The following MAK variants were observed in gnomAD, a reference collection of about 807,000 sequenced individuals.
The protein encoded by MAK is male germ cell associated kinase, also known as serine/threonine-protein kinase MAK.
MAK carries 65 observed loss-of-function variants against 82.6 expected under a neutral mutation model. The observed-to-expected ratio is 0.79, with a 90% CI of 0.64 to 0.97. The LOEUF (loss-of-function observed/expected upper bound fraction) is 0.97, where lower values mean the gene tolerates loss of function less well. MAK is among the 50% of genes least tolerant of loss of function. The pLI is 0.00. For synonymous variants in MAK, 250 were observed against 274.2 expected, an observed-to-expected ratio of 0.91 and a Z score of 0.87; for missense variants, 703 against 780.2, an observed-to-expected ratio of 0.90 and a Z score of 1.18.
rs1561971273 is a variant in MAK at position 10,802,002 on chromosome 6, A to ACT, written c.719_720dup (p.Cys241SerfsTer5). The ACT allele has an allele frequency of 6.2e-7, 1 of 1,614,150 alleles. No homozygotes were observed. Among genetic ancestry groups the ACT allele is most frequent in the Admixed American group, 1.7e-5 (1 of 60,016 alleles). ...AGAGTTTTTAAGTTTATAGGAACAC[A>ACT]CTGGGGAAAACGGAAGTTCATAGAG... On this transcript the variant is annotated frameshift_variant, in exon 8 of 15. Transcript: ENST00000354489. LOFTEE classifies it high-confidence loss of function.
intron 8 of MAK, among the ~76,000 whole-genome samples, chr6:10,798,345 C>A (rs1775737908): frequency 6.6e-6 from 1 of 152,048 alleles, no homozygotes; most frequent in Non-Finnish European, 1.5e-5. Context: ...AAGCTCCTGA[C>A]CTCGTGATCC....
At chr6:10,838,436 C>T in intron 1 of MAK, 67 bp downstream of exon 1, 1 of 152,442 alleles carries the variant, frequency 6.6e-6, no homozygotes, top group East Asian at 1.9e-4. Context: ...CGGGCTCCGG[C>T]TGGGTCGGAC....
intron 5 of MAK, among the ~76,000 whole-genome samples, chr6:10,813,131 TATAAA>T (rs1199021103): frequency 0.12 from 100 of 814 alleles, 19 homozygotes; most frequent in East Asian, 0.17. Context: ...TATATATATA[TATAAA>T]TTTTTTTTTT....
rs1427025580 is a variant in MAK at position 10,784,518 on chromosome 6, G to A, written c.1371C>T (p.Ser457=). Residue 457 remains serine, a synonymous_variant, in exon 11 of 15, where the codon AGC becomes AGT. Coordinates refer to ENST00000354489, the MANE Select transcript of MAK (RefSeq NM_001242957.3). ...ATTTTAGGGAAGTAACAGCAGGTAA[G>A]CTCTTGTTTTCCCCTGTCGAGTGGT... The part of the protein sequence containing the change: ...GSNHSTGENK[S]LPAVTSLKSD... 1 of 1,614,066 alleles carries A rather than the reference G, an allele frequency of 6.2e-7. No individual in the cohort carries two copies. Among genetic ancestry groups the A allele is most frequent in the Admixed American group, 1.7e-5 (1 of 59,996 alleles).
intron 2 of MAK, among the ~76,000 whole-genome samples, chr6:10,824,898 C>A (rs1032842517): frequency 6.6e-6 from 1 of 152,138 alleles, no homozygotes; most frequent in Admixed American, 6.6e-5. Context: ...ACACCACAGC[C>A]GATGATATTG....
intron 8 of MAK, among the ~76,000 whole-genome samples, chr6:10,799,539 C>T (rs1224147117): frequency 2.6e-5 from 4 of 151,142 alleles, no homozygotes; most frequent in East Asian, 4.0e-4. Flanking sequence ...GAGAACTGCA[C>T]GAGACCAGGG....
At position 10,764,364 on chromosome 6, in the gene MAK, G is replaced by T; in HGVS notation, c.*88C>A. 2 of 1,416,454 alleles carry T rather than the reference G, an allele frequency of 1.4e-6. No individual in the cohort carries two copies. The highest frequency in any genetic ancestry group is 2.0e-6 in the Non-Finnish European group (2 of 1,019,896). The allele number at this position is 1,416,454 out of a possible 1,614,324, so 87.7% of individuals were successfully genotyped here. On this transcript the variant is annotated 3_prime_UTR_variant, in exon 15 of 15. Transcript: ENST00000354489. ...TGCATATTTCTTCCAGAACTCAGTA[G>T]AAATAGACATTTGTAGACATTTCCC...
rs1472957999 is a variant in MAK, at chr6:10,791,694, T to C, written c.1297A>G (p.Lys433Glu). ...PSMGVFKEKR[K>E]KDSPFRLPEP... is the part of the protein sequence containing the mutation. ...TCTTACCGAAATGGAGAATCTTTTT[T>C]CCTTTTTTCTTTAAAAACACCCATG... The change falls in exon 10 of 15, where the codon AAA (lysine) becomes GAA (glutamate). Residue 433 changes from lysine (K) to glutamate (E), a missense_variant. Physicochemically the swap from Lys to Glu is moderately conservative, Grantham distance 56 (BLOSUM62 1). Coordinates refer to ENST00000354489, the MANE Select transcript of MAK (RefSeq NM_001242957.3). 5 of 1,614,016 alleles carry C rather than the reference T, an allele frequency of 3.1e-6. No homozygotes were observed. Among genetic ancestry groups the C allele is most frequent in the Non-Finnish European group, 4.2e-6 (5 of 1,179,974 alleles).
chr6:10,784,273 G>C (rs1774305409), intron 11 of MAK, 151 bp downstream of exon 11: 4 of 730,674 alleles, frequency 5.5e-6, no homozygotes, highest in Non-Finnish European at 9.3e-6. Flanking sequence ...AGGAGGTCCA[G>C]AAAAGTCCTT....
chr6:10,807,245 C>T (rs1372587767), intron 6 of MAK, among the ~76,000 whole-genome samples: 1 of 151,722 alleles, frequency 6.6e-6, no homozygotes. Context: ...TGTAACATTC[C>T]TTTCTCTCCC....
chr6:10,796,516 T>C (rs1390505941), intron 8 of MAK, among the ~76,000 whole-genome samples: 2 of 152,028 alleles, frequency 1.3e-5, no homozygotes, highest in African/African-American at 2.4e-5. Flanking sequence ...CATTAAAAAA[T>C]TAAAAGTGGC....
intron 11 of MAK, among the ~76,000 whole-genome samples, chr6:10,777,823 A>C (rs947892699): frequency 2.0e-5 from 3 of 152,078 alleles, no homozygotes; most frequent in African/African-American, 7.2e-5. Flanking sequence ...TTTTTAGTAG[A>C]GACAGGGTTT....
chr6:10,774,983 T>G (rs563670998), intron 12 of MAK, among the ~76,000 whole-genome samples: 27 of 152,312 alleles, frequency 1.8e-4, no homozygotes, highest in African/African-American at 6.5e-4. Context: ...TTTTTTTTAT[T>G]ATTGTACTTT....
At chr6:10,825,515 C>T (rs145231692) in intron 2 of MAK, among the ~76,000 whole-genome samples, 72 of 152,126 alleles carry the variant, frequency 4.7e-4, no homozygotes, top group African/African-American at 1.6e-3. Context: ...TTTCAATTGC[C>T]ATCTGTAGAC....
chr6:10,813,122 ATATATATATATAAATTTTT>A (rs1561987426), intron 5 of MAK, among the ~76,000 whole-genome samples: 294 of 1,614 alleles, frequency 0.18, 22 homozygotes, highest in Non-Finnish European at 0.24. Context: ...ATATATATAT[ATATATATATATAAATTTTT>A]TTTTTTTTTT....
chr6:10,837,155 C>T (rs922076106), intron 1 of MAK, among the ~76,000 whole-genome samples: 1 of 152,108 alleles, frequency 6.6e-6, no homozygotes, highest in Non-Finnish European at 1.5e-5. Context: ...TATGTCACTC[C>T]GAGGCTGGCT....
chr6:10,818,203 C>T (rs577664592), intron 3 of MAK, among the ~76,000 whole-genome samples: 3 of 152,258 alleles, frequency 2.0e-5, no homozygotes, highest in South Asian at 4.1e-4. Context: ...TTACGTTTTT[C>T]CCTTGGTTTA....
intron 2 of MAK, chr6:10,826,684 A>G (rs1005543972): frequency 6.6e-6 from 1 of 152,256 alleles, no homozygotes; most frequent in African/African-American, 2.4e-5. Flanking sequence ...ACAGGAATAT[A>G]AAATGCTCAG....
chr6:10,804,636 C>T (rs1776270328), intron 6 of MAK, among the ~76,000 whole-genome samples: 1 of 152,176 alleles, frequency 6.6e-6, no homozygotes, highest in Admixed American at 6.5e-5. Flanking sequence ...AGCCACTGCA[C>T]CCAGCCTAAC....
Sources: allele counts gnomAD v4.1 joint callset (sites outside exome capture counted in the v4.1 genomes callset), GRCh38; gene constraint gnomAD v4.1.1; transcripts MANE v1.5; gene names NCBI Gene and HGNC (gene_info 2026-07-23, HGNC 2026-07-21).